SMYD4: variants seen among roughly 807,000 people sequenced by gnomAD.
SMYD4 encodes the protein protein-lysine N-methyltransferase SMYD4.
SMYD4 carries 68 observed loss-of-function variants against 72.8 expected under a neutral mutation model. The observed-to-expected ratio is 0.93, with a 90% CI of 0.77 to 1.14. SMYD4 has a LOEUF of 1.14. Ranked by LOEUF, SMYD4 falls within the 50% of genes most tolerant of loss-of-function variation. SMYD4 has a pLI of 0.00. For synonymous variants in SMYD4, 407 were observed against 388.6 expected, an observed-to-expected ratio of 1.05 and a Z score of -0.56; for missense variants, 984 against 1,003.7, an observed-to-expected ratio of 0.98 and a Z score of 0.27.
intron 9 of SMYD4, 91 bp downstream of exon 9, chr17:1,783,268 GC>G (rs1322345602): frequency 1.2e-6 from 2 of 1,610,436 alleles, no homozygotes; most frequent in Non-Finnish European, 1.7e-6. Flanking sequence ...AGTTTACAGA[GC>G]GGGGGGTAAC....
At chr17:1,783,582 TC>T in intron 8 of SMYD4, 106 bp from the exon 9 acceptor site, 1 of 1,495,438 alleles carries the variant, frequency 6.7e-7, no homozygotes, top group Non-Finnish European at 8.9e-7. Context: ...ATGTGGAAAT[TC>T]CCCCTGGCCT....
intron 4 of SMYD4, among the ~76,000 whole-genome samples, chr17:1,801,680 C>CA (rs1909766407): frequency 7.0e-6 from 1 of 142,520 alleles, no homozygotes; most frequent in Non-Finnish European, 1.5e-5. Flanking sequence ...GACCTGCATT[C>CA]AAATACACTC....
rs764002875 is a variant in SMYD4, at chr17:1,799,858, T to G, written c.1536A>C (p.Thr512=). The change falls in exon 5 of 11, where the codon ACA becomes ACC. Residue 512 remains threonine, a splice_region_variant and synonymous_variant. Coordinates refer to ENST00000305513, the MANE Select transcript of SMYD4 (RefSeq NM_052928.3). ...NAQAMTTIQH[T]GPKGSIVTDS... ...CAGGAACATCAGGTTCCCTCTTACC[T>G]GTGTGTTGTATGGTGGTCATCGCCT... is the stretch of plus-strand genomic sequence containing the variant. 47 of 1,582,452 alleles carry G rather than the reference T, an allele frequency of 3.0e-5. No individual in the cohort carries two copies. The highest frequency in any genetic ancestry group is 4.0e-5 in the Non-Finnish European group (46 of 1,160,858).
chr17:1,798,287 A>AT (rs972972503), intron 5 of SMYD4, among the ~76,000 whole-genome samples: 1 of 151,642 alleles, frequency 6.6e-6, no homozygotes, highest in African/African-American at 2.4e-5. Context: ...TACCTGGCTA[A>AT]TTTTTGTATT....
At chr17:1,799,815 G>T in intron 5 of SMYD4, 42 bp downstream of exon 5, 2 of 1,497,792 alleles carry the variant, frequency 1.3e-6, no homozygotes, top group South Asian at 1.3e-5. Flanking sequence ...CTGCTCCATC[G>T]AGAACAATAT....
In SMYD4 at chr17:1,785,439, G is replaced by GAAAAAA. The variant is rs56261871; in HGVS notation, c.1885-984_1885-979dup. Among the ~76,000 whole-genome samples the GAAAAAA allele has an allele frequency of 4.3e-4, 53 of 124,544 alleles. 1 individual carries two copies. The Middle Eastern group carries it at 0.015, about 36-fold the overall frequency. 81.7% of individuals were successfully genotyped at this position (124,544 alleles called of 152,430 possible). On this transcript the variant is annotated intron_variant, in intron 7 of 10. Coordinates refer to ENST00000305513, the MANE Select transcript of SMYD4 (RefSeq NM_052928.3). Reference sequence around the variant, plus strand: ...GAGACTCTGTCTCACAAAAGAAAAAGAAAAAAAAAAAAAAAAGAAAACCAA... The same window carrying GAAAAAA: ...GAGACTCTGTCTCACAAAAGAAAAAGAAAAAAAAAAAAAAAAAAAAAAGAAAACCAA...
rs572055812 is a variant in SMYD4, at chr17:1,815,991, T to C, written c.135-3876A>G. On this transcript the variant is annotated intron_variant, in intron 2 of 10. Transcript: ENST00000305513. ...CTGGAATGACAGGTGTGAGCCACCATGCCCGGCCTATTTAAACCATTTTTT... is the reference window on the plus strand; with the variant it reads ...CTGGAATGACAGGTGTGAGCCACCACGCCCGGCCTATTTAAACCATTTTTT... 1.5e-3 allele frequency among the ~76,000 whole-genome samples: 225 copies of C among 152,248 alleles called. 1 individual carries two copies. Among genetic ancestry groups the C allele is most frequent in the African/African-American group, 5.2e-3 (215 of 41,570 alleles).
chr17:1,794,561 A>G (rs544558587), intron 5 of SMYD4, among the ~76,000 whole-genome samples: 75 of 152,192 alleles, frequency 4.9e-4, no homozygotes, highest in African/African-American at 1.7e-3. Context: ...ATAAATGTTC[A>G]CTTACCTTTA....
chr17:1,796,018 T>G (rs556184372), intron 5 of SMYD4, among the ~76,000 whole-genome samples: 3 of 152,112 alleles, frequency 2.0e-5, no homozygotes, highest in Non-Finnish European at 4.4e-5. Context: ...CATAAAACAT[T>G]AGAACCTCAT....
intron 5 of SMYD4, among the ~76,000 whole-genome samples, chr17:1,796,924 T>C (rs1909438214): frequency 6.6e-6 from 1 of 152,178 alleles, no homozygotes; most frequent in African/African-American, 2.4e-5. Context: ...TTTTAGATGG[T>C]AGCAAAGGCA....
Position 1,781,371 on chromosome 17 carries a change from G to C in SMYD4, c.2330C>G (p.Pro777Arg), listed in dbSNP as rs770179582. 105 of 1,613,978 alleles carry C rather than the reference G, an allele frequency of 6.5e-5. No individual in the cohort carries two copies. Among genetic ancestry groups the C allele is most frequent in the Non-Finnish European group, 8.8e-5 (104 of 1,180,028 alleles). Residue 777 changes from proline (P) to arginine (R), a missense_variant, in exon 11 of 11, where the codon CCA (proline) becomes CGA (arginine). Transcript: ENST00000305513. The part of the protein sequence containing the change: ...AEEVLSLHCG[P>R]WDDEIQELQK... The stretch of plus-strand genomic sequence containing the variant: ...GAGCTCCTGGATTTCATCGTCCCAT[G>C]GGCCACAGTGCAGCGACAGAACCTC...
At chr17:1,794,107 T>TATATA (rs1597374369) in intron 5 of SMYD4, among the ~76,000 whole-genome samples, 2 of 10,258 alleles carry the variant, frequency 1.9e-4, no homozygotes, top group Non-Finnish European at 3.9e-4. Context: ...ATATATATAT[T>TATATA]TTTTTTTTTT....
intron 2 of SMYD4, among the ~76,000 whole-genome samples, chr17:1,822,104 C>T (rs1237896064): frequency 6.6e-6 from 1 of 151,610 alleles, no homozygotes; most frequent in African/African-American, 2.4e-5. Flanking sequence ...TATAGTAGTG[C>T]ATGCCTGTAA....
At chr17:1,784,914 T>C (rs1047844536) in intron 7 of SMYD4, among the ~76,000 whole-genome samples, 3 of 150,800 alleles carry the variant, frequency 2.0e-5, no homozygotes, top group South Asian at 4.2e-4. Context: ...GGACTACAGG[T>C]GCCCACCACC....
At chr17:1,817,048 CTTTT>C (rs34482955) in intron 2 of SMYD4, among the ~76,000 whole-genome samples, 3 of 138,390 alleles carry the variant, frequency 2.2e-5, no homozygotes, top group Non-Finnish European at 4.7e-5. Context: ...TGCACAAAAC[CTTTT>C]TTTTTTTTTT....
rs185074160 is a variant in SMYD4, at chr17:1,785,343, G to A, written c.1885-882C>T. 2.0e-4 allele frequency among the ~76,000 whole-genome samples: 30 copies of A among 146,436 alleles called. No homozygotes were observed. The South Asian group carries it at 2.9e-3, about 14-fold the overall frequency. On this transcript the variant is annotated intron_variant, in intron 7 of 10. Coordinates refer to ENST00000305513, the MANE Select transcript of SMYD4 (RefSeq NM_052928.3). ...CGGGAGGCTGAGGCAGGAGAATGGCGTGAACCCGGGAGGTGGAGCTTGCAG... is the reference window on the plus strand; with the variant it reads ...CGGGAGGCTGAGGCAGGAGAATGGCATGAACCCGGGAGGTGGAGCTTGCAG...
In SMYD4 at chr17:1,787,528, C is replaced by T; in HGVS notation, c.1614G>A (p.Leu538=). The T allele has an allele frequency of 6.3e-7, 1 of 1,592,728 alleles. No individual in the cohort carries two copies. Among genetic ancestry groups the T allele is most frequent in the Non-Finnish European group, 8.5e-7 (1 of 1,169,814 alleles). The part of the protein sequence containing the change: ...ATGIFPVISL[L]NHSCSPNTSV... ...TGGTGTTGGGGCTACAGGAGTGGTT[C>T]AGGAGGCTGATAACAGGGAAGATGC... is the stretch of plus-strand genomic sequence containing the variant. Residue 538 remains leucine (L), a synonymous_variant, in exon 6 of 11, where the codon CTG becomes CTA. Transcript: ENST00000305513.
intron 7 of SMYD4, among the ~76,000 whole-genome samples, chr17:1,785,768 A>AAAAAAAAAAAAAAAAG (rs1555574281): frequency 8.1e-4 from 12 of 14,866 alleles, no homozygotes; most frequent in African/African-American, 2.5e-3. Context: ...CATCTCAAAA[A>AAAAAAAAAAAAAAAAG]AAAAAAAGAA....
rs1160207916 is a variant in SMYD4 at position 1,829,898 on chromosome 17, T to TG, written c.-186dup. ...CCGCGCCAGGCCTCGCTTGGGACCATGGGTGGGTCACGTGGGCCGCGCCTC... is the reference window on the plus strand; with the variant it reads ...CCGCGCCAGGCCTCGCTTGGGACCATGGGGTGGGTCACGTGGGCCGCGCCTC... On this transcript the variant is annotated 5_prime_UTR_variant, in exon 1 of 11. Coordinates refer to ENST00000305513, the MANE Select transcript of SMYD4 (RefSeq NM_052928.3). The TG allele has an allele frequency of 2.2e-6, 1 of 445,694 alleles. No homozygotes were observed. The highest frequency in any genetic ancestry group is 2.0e-5 in the African/African-American group (1 of 48,800). The allele number at this position is 445,694 out of a possible 1,614,324, so 27.6% of individuals were successfully genotyped here.
Sources: gnomAD v4.1 joint callset for allele counts (sites outside exome capture counted in the v4.1 genomes callset) on GRCh38, gnomAD v4.1.1 for gene constraint, MANE v1.5 for transcripts, NCBI Gene and HGNC (gene_info 2026-07-23, HGNC 2026-07-21) for gene names.